The following AGBL1 variants were observed in gnomAD, a reference collection of about 807,000 sequenced individuals.
AGBL1 encodes the protein AGBL carboxypeptidase 1.
Under a neutral mutation model 118.9 loss-of-function variants are expected in AGBL1, and 130 were observed. The ratio of observed to expected loss-of-function variants is 1.09; its 90% confidence interval spans 0.95 to 1.26. The LOEUF (loss-of-function observed/expected upper bound fraction) is 1.26. Among genes scored for constraint, AGBL1 ranks in the 50% most tolerant of loss-of-function variants. The probability of loss-of-function intolerance (pLI) is 0.00; values close to 1 mark genes in which losing one functional copy is unlikely to be tolerated. For synonymous variants in AGBL1, 555 were observed against 478.9 expected, an observed-to-expected ratio of 1.16 and a Z score of -2.08; for missense variants, 1,584 against 1,298.1, an observed-to-expected ratio of 1.22 and a Z score of -3.38.
chr15:86,480,463 A>C (rs1351710349), intron 18 of AGBL1, among the ~76,000 whole-genome samples: 1 of 152,180 alleles, frequency 6.6e-6, no homozygotes, highest in East Asian at 1.9e-4. Flanking sequence ...TAGTGGTGAA[A>C]AATCTTATCA....
chr15:86,772,355 G>A (rs1267719958), intron 22 of AGBL1, among the ~76,000 whole-genome samples: 1 of 152,042 alleles, frequency 6.6e-6, no homozygotes, highest in Admixed American at 6.6e-5. Context: ...ATGTTTCTGT[G>A]TGGGAAACCT....
intron 18 of AGBL1, among the ~76,000 whole-genome samples, chr15:86,468,215 A>G (rs1021332696): frequency 3.3e-5 from 5 of 152,210 alleles, no homozygotes; most frequent in African/African-American, 1.2e-4. Context: ...AGAAGAAAGC[A>G]TTAGACAGGC....
At chr15:86,925,143 A>AGAGGAG (rs1176964792) in intron 23 of AGBL1, among the ~76,000 whole-genome samples, 3,552 of 80,072 alleles carry the variant, frequency 0.044, 187 homozygotes, top group African/African-American at 0.089. Context: ...AGGAAGAGGA[A>AGAGGAG]GAGGAGGAGG....
At chr15:86,257,924 G>T in intron 8 of AGBL1, 40 bp from the exon 9 acceptor site, 1 of 1,600,876 alleles carries the variant, frequency 6.2e-7, no homozygotes, top group South Asian at 1.1e-5. Flanking sequence ...CCCGGGCAAA[G>T]GGGAAACTTC....
At chr15:86,489,913 G>A (rs2082758532) in intron 18 of AGBL1, among the ~76,000 whole-genome samples, 1 of 152,038 alleles carries the variant, frequency 6.6e-6, no homozygotes, top group South Asian at 2.1e-4. Context: ...TCTGATCAGT[G>A]ACCAAAGTTA....
intron 23 of AGBL1, chr15:86,933,001 T>C (rs559282802): frequency 6.6e-6 from 1 of 152,332 alleles, no homozygotes; most frequent in East Asian, 1.9e-4. Flanking sequence ...TGAGGCATAA[T>C]TTGTGAATAT....
intron 5 of AGBL1, among the ~76,000 whole-genome samples, chr15:86,168,395 A>T (rs933213019): frequency 8.5e-5 from 13 of 152,326 alleles, no homozygotes; most frequent in African/African-American, 3.1e-4. Context: ...ACAAAAAAGC[A>T]TGAAAACAAT....
At chr15:86,439,645 C>G (rs1478213402) in intron 18 of AGBL1, among the ~76,000 whole-genome samples, 1 of 152,242 alleles carries the variant, frequency 6.6e-6, no homozygotes, top group Non-Finnish European at 1.5e-5. Context: ...CAAGGCAATA[C>G]TGAGCAAAGC....
intron 1 of AGBL1, among the ~76,000 whole-genome samples, chr15:86,087,278 C>T (rs1239716567): frequency 1.3e-5 from 2 of 150,948 alleles, no homozygotes; most frequent in East Asian, 3.9e-4. Context: ...GAAACAGCTT[C>T]TGCAAGTCAG....
chr15:86,171,460 G>A (rs997286930), intron 5 of AGBL1, among the ~76,000 whole-genome samples: 1 of 152,084 alleles, frequency 6.6e-6, no homozygotes, highest in Non-Finnish European at 1.5e-5. Flanking sequence ...ATTTGAAAAC[G>A]TACACTAAAG....
chr15:86,480,891 AG>A (rs2082642394), intron 18 of AGBL1, among the ~76,000 whole-genome samples: 1 of 152,064 alleles, frequency 6.6e-6, no homozygotes, highest in Non-Finnish European at 1.5e-5. Context: ...GTTGAAGCCT[AG>A]GAAGTATGTG....
intron 18 of AGBL1, among the ~76,000 whole-genome samples, chr15:86,477,717 C>G (rs925385615): frequency 2.6e-5 from 4 of 152,210 alleles, no homozygotes; most frequent in Non-Finnish European, 4.4e-5. Flanking sequence ...AGGGAATTCT[C>G]CCTAACTCAT....
At chr15:86,138,166 A>T (rs532857990) in intron 1 of AGBL1, 1 of 152,188 alleles carries the variant, frequency 6.6e-6, no homozygotes, top group African/African-American at 2.4e-5. Context: ...GCTTTATTCA[A>T]TCTGGTCATA....
intron 5 of AGBL1, among the ~76,000 whole-genome samples, chr15:86,201,689 T>G (rs55881397): frequency 0.21 from 31,445 of 152,072 alleles, 3,628 homozygotes; most frequent in South Asian, 0.3. Context: ...GGGAGCACAA[T>G]GGAGCAGTGC....
In AGBL1 at chr15:86,082,962, C is replaced by T. The variant is rs1266892868; in HGVS notation, c.51+2939C>T. Among the ~76,000 whole-genome samples the T allele has an allele frequency of 2.0e-5, 3 of 152,210 alleles. No homozygotes were observed. In the East Asian group the frequency reaches 5.8e-4, roughly 29 times the overall value. On this transcript the variant is annotated intron_variant, in intron 1 of 22. Transcript: ENST00000614907. Reference sequence around the variant, plus strand: ...ATGAAAGTCCCTCGACCTCTCTGAGCCTCCATTTATGTAATCTGTAAAACA... The same window carrying T: ...ATGAAAGTCCCTCGACCTCTCTGAGTCTCCATTTATGTAATCTGTAAAACA...
chr15:86,328,159 CCCAA>C (rs2080213689), intron 17 of AGBL1, among the ~76,000 whole-genome samples: 1 of 152,104 alleles, frequency 6.6e-6, no homozygotes, highest in African/African-American at 2.4e-5. Flanking sequence ...ACCTGCTTCC[CCCAA>C]CTATAAAACT....
intron 21 of AGBL1, among the ~76,000 whole-genome samples, chr15:86,636,011 C>T (rs2085075836): frequency 6.6e-6 from 1 of 152,030 alleles, no homozygotes; most frequent in South Asian, 2.1e-4. Flanking sequence ...CACTATGAAC[C>T]ATATAAGTGG....
At chr15:86,562,390 A>C (rs1200152530) in intron 21 of AGBL1, among the ~76,000 whole-genome samples, 2 of 152,134 alleles carry the variant, frequency 1.3e-5, no homozygotes, top group African/African-American at 4.8e-5. Flanking sequence ...TTCTGCATCT[A>C]TTGAGATAAT....
intron 18 of AGBL1, among the ~76,000 whole-genome samples, chr15:86,511,779 T>C (rs1400599476): frequency 6.6e-6 from 1 of 151,976 alleles, no homozygotes; most frequent in Admixed American, 6.6e-5. Context: ...GAACAGCTTT[T>C]GATACTCACC....
Sources: gnomAD v4.1 joint callset for allele counts (sites outside exome capture counted in the v4.1 genomes callset) on GRCh38, gnomAD v4.1.1 for gene constraint, MANE v1.5 for transcripts, NCBI Gene and HGNC (gene_info 2026-07-23, HGNC 2026-07-21) for gene names.